GPHN: variants seen among roughly 807,000 people sequenced by gnomAD.
GPHN encodes gephyrin.
A neutral mutation model predicts 95.5 loss-of-function variants in GPHN; 17 were observed. The ratio of observed to expected loss-of-function variants is 0.18; its 90% CI spans 0.12 to 0.27. The LOEUF is 0.27. Ranked by LOEUF, GPHN falls within the 10% of genes least tolerant of loss-of-function variation. The pLI is 1.00. For synonymous variants in GPHN, 320 were observed against 322.5 expected, an observed-to-expected ratio of 0.99 and a Z score of 0.08; for missense variants, 660 against 978.1, an observed-to-expected ratio of 0.67 and a Z score of 4.34.
At chr14:66,584,616 G>A (rs1025787022) in intron 1 of GPHN, among the ~76,000 whole-genome samples, 8 of 151,984 alleles carry the variant, frequency 5.3e-5, no homozygotes, top group African/African-American at 7.2e-5. Context: ...GAATTTTGTG[G>A]AAGGCCTTTT....
chr14:67,170,293 T>A (rs1475120685), intron 21 of GPHN, among the ~76,000 whole-genome samples: 1 of 152,022 alleles, frequency 6.6e-6, no homozygotes, highest in Non-Finnish European at 1.5e-5. Flanking sequence ...GTAATCAAAT[T>A]TGAAATTAAG....
At chr14:67,687,920 C>T in the GPHN span, among the ~76,000 whole-genome samples, 2 of 151,936 alleles carry the variant, frequency 1.3e-5, no homozygotes, top group Non-Finnish European at 1.5e-5. Flanking sequence ...TACAGGCGCC[C>T]GCCACCACAC....
At chr14:66,953,886 T>G (rs2068292681) in intron 8 of GPHN, among the ~76,000 whole-genome samples, 1 of 152,066 alleles carries the variant, frequency 6.6e-6, no homozygotes, top group Admixed American at 6.6e-5. Context: ...TACAAAAAAA[T>G]TAGCTGGGCA....
At chr14:67,140,200 A>G (rs2056871459) in intron 17 of GPHN, among the ~76,000 whole-genome samples, 1 of 152,188 alleles carries the variant, frequency 6.6e-6, no homozygotes. Context: ...CCTGGCCAAC[A>G]TGGTGAAACC....
At chr14:67,240,271 T>TA in the GPHN span, among the ~76,000 whole-genome samples, 22 of 152,224 alleles carry the variant, frequency 1.4e-4, no homozygotes, top group African/African-American at 4.6e-4. Context: ...ACAGTGTCCT[T>TA]AGTGAGGGAC....
intron 1 of GPHN, among the ~76,000 whole-genome samples, chr14:66,563,880 T>C (rs943739568): frequency 6.6e-6 from 1 of 152,190 alleles, no homozygotes; most frequent in African/African-American, 2.4e-5. Context: ...TCTTGCTTAC[T>C]GACAAAACCT....
At chr14:66,996,073 C>A in intron 9 of GPHN, 1 of 716,044 alleles carries the variant, frequency 1.4e-6, no homozygotes, top group South Asian at 1.6e-5. Context: ...GTTTTATTAT[C>A]TGGCCAAGTG....
chr14:66,575,900 C>T (rs988896570), intron 1 of GPHN, among the ~76,000 whole-genome samples: 1 of 152,030 alleles, frequency 6.6e-6, no homozygotes, highest in African/African-American at 2.4e-5. Flanking sequence ...TGGGAACTGG[C>T]TGGACACTGG....
At chr14:66,911,086 GT>G (rs564451968) in intron 5 of GPHN, among the ~76,000 whole-genome samples, 1 of 151,782 alleles carries the variant, frequency 6.6e-6, no homozygotes, top group Non-Finnish European at 1.5e-5. Flanking sequence ...ATGTGGAAAA[GT>G]TTTTTTTAAG....
chr14:66,806,818 T>C (rs2060562304), intron 3 of GPHN, among the ~76,000 whole-genome samples: 1 of 152,182 alleles, frequency 6.6e-6, no homozygotes, highest in Non-Finnish European at 1.5e-5. Context: ...CACAAGTCTT[T>C]AGGAAGTTCC....
intron 1 of GPHN, among the ~76,000 whole-genome samples, chr14:66,552,082 A>G (rs2059834072): frequency 6.6e-6 from 1 of 152,222 alleles, no homozygotes; most frequent in African/African-American, 2.4e-5. Flanking sequence ...TCATGAAGTC[A>G]TCTTAGACAC....
intron 1 of GPHN, among the ~76,000 whole-genome samples, chr14:66,643,997 T>A (rs2064592178): frequency 6.6e-6 from 1 of 151,986 alleles, no homozygotes; most frequent in East Asian, 1.9e-4. Context: ...CTGAGCCAGC[T>A]GAGATTTATT....
the GPHN span, chr14:67,557,432 C>T: frequency 1.9e-5 from 30 of 1,610,002 alleles, 1 homozygote; most frequent in South Asian, 3.3e-5. Context: ...AGGGCTCATG[C>T]GCAAGGGAGC....
intron 2 of GPHN, among the ~76,000 whole-genome samples, chr14:66,697,888 T>G (rs907355346): frequency 6.6e-6 from 1 of 151,812 alleles, no homozygotes; most frequent in South Asian, 2.1e-4. Flanking sequence ...AGAGAGAGGA[T>G]CTCTCCATGT....
chr14:67,038,292 G>C (rs2074528534), intron 10 of GPHN, among the ~76,000 whole-genome samples: 1 of 152,060 alleles, frequency 6.6e-6, no homozygotes, highest in East Asian at 1.9e-4. Context: ...GCCAGGGGCT[G>C]GGAGGAGAGG....
chr14:66,536,681 C>T (rs1428613357), intron 1 of GPHN, among the ~76,000 whole-genome samples: 11 of 152,148 alleles, frequency 7.2e-5, no homozygotes, highest in Non-Finnish European at 7.4e-5. Context: ...TCTCTGAAAG[C>T]ATTTGTGATT....
At chr14:67,195,952 T>G in the GPHN span, among the ~76,000 whole-genome samples, 13 of 152,156 alleles carry the variant, frequency 8.5e-5, no homozygotes, top group Non-Finnish European at 1.6e-4. Context: ...ACCTGGCTAA[T>G]TTTTGTGTTT....
the GPHN span, among the ~76,000 whole-genome samples, chr14:67,514,118 C>G: frequency 1.3e-5 from 2 of 152,138 alleles, no homozygotes; most frequent in African/African-American, 4.8e-5. Flanking sequence ...CCCAAGGTTA[C>G]ACCAGCAGAA....
the GPHN span, among the ~76,000 whole-genome samples, chr14:67,375,410 G>T: frequency 6.6e-6 from 1 of 152,062 alleles, no homozygotes; most frequent in African/African-American, 2.4e-5. Flanking sequence ...GCGTAAGCCA[G>T]TGTGCCCAGC....
Sources: allele counts gnomAD v4.1 joint callset (sites outside exome capture counted in the v4.1 genomes callset), GRCh38; gene constraint gnomAD v4.1.1; transcripts MANE v1.5; gene names NCBI Gene and HGNC (gene_info 2026-07-23, HGNC 2026-07-21).